CA13: variants seen among roughly 807,000 people sequenced by gnomAD.
The protein encoded by CA13 is carbonic anhydrase 13.
In CA13, 21 loss-of-function variants were observed where a neutral mutation model predicts 31.5. The observed-to-expected ratio is 0.67, with a 90% CI of 0.47 to 0.96. The LOEUF (loss-of-function observed/expected upper bound fraction) is 0.96. Among genes scored for constraint, CA13 ranks in the 40% least tolerant of loss-of-function variants. The pLI is 0.00. For synonymous variants in CA13, 117 were observed against 111.4 expected, an observed-to-expected ratio of 1.05 and a Z score of -0.32; for missense variants, 315 against 318.9, an observed-to-expected ratio of 0.99 and a Z score of 0.09.
chr8:85,245,944 C>CCA, intron 1 of CA13, 79 bp downstream of exon 1: 1 of 1,514,766 alleles, frequency 6.6e-7, no homozygotes, highest in Non-Finnish European at 9.2e-7. Context: ...CGCTCGCTGA[C>CCA]CACACACTGG....
chr8:85,258,587 TAGG>T (rs2129966411), intron 2 of CA13, among the ~76,000 whole-genome samples: 1 of 151,922 alleles, frequency 6.6e-6, no homozygotes, highest in African/African-American at 2.4e-5. Context: ...ATGACAGCAT[TAGG>T]AGGAGGTCCC....
intron 1 of CA13, among the ~76,000 whole-genome samples, chr8:85,248,287 G>A (rs534337243): frequency 6.6e-6 from 1 of 151,972 alleles, no homozygotes; most frequent in African/African-American, 2.4e-5. Flanking sequence ...GAGAAATCTC[G>A]TTTCTACTAA....
At chr8:85,249,553 A>G (rs917284422) in intron 1 of CA13, among the ~76,000 whole-genome samples, 1 of 151,876 alleles carries the variant, frequency 6.6e-6, no homozygotes, top group African/African-American at 2.4e-5. Flanking sequence ...TGATTGTGAT[A>G]TATTGCATTT....
chr8:85,270,834 A>G (rs1352365851), intron 6 of CA13, among the ~76,000 whole-genome samples: 1 of 152,208 alleles, frequency 6.6e-6, no homozygotes. Context: ...AAAAATATCT[A>G]CCTGCAAGTT....
intron 6 of CA13, 37 bp from the exon 7 acceptor site, chr8:85,281,192 AT>A (rs1258453766): frequency 6.3e-7 from 1 of 1,599,038 alleles, no homozygotes; most frequent in Admixed American, 1.7e-5. Context: ...ATTGGTGGGA[AT>A]TTCTATGCTG....
Position 85,250,800 on chromosome 8 carries a change from A to T in CA13, c.98A>T (p.Glu33Val). ...IADGDQQSPI[E>V]IKTKEVKYDS... ...GATGGTGATCAGCAATCTCCAATTG[A>T]GATTAAAACCAAAGAAGTGAAATAT... is the stretch of plus-strand genomic sequence containing the variant. The change falls in exon 2 of 7, where the codon GAG becomes GTG. Residue 33 changes from glutamate to valine, a missense_variant. Transcript: ENST00000321764. 6.2e-7 allele frequency: 1 copy of T among 1,613,980 alleles called. No homozygotes were observed. The highest frequency in any genetic ancestry group is 8.5e-7 in the Non-Finnish European group (1 of 1,179,926).
rs141384254 is a variant in CA13, at chr8:85,277,036, G to T, written c.670-4194G>T. ...AGGGATTGTAAACGCACCAATCAGC[G>T]CCCTGTCAAAATAGACCACTCGGCT... On this transcript the variant is annotated intron_variant, in intron 6 of 6. Coordinates refer to ENST00000321764, the MANE Select transcript of CA13 (RefSeq NM_198584.3). Among the ~76,000 whole-genome samples, 136 of 152,248 alleles carry T rather than the reference G, an allele frequency of 8.9e-4. 1 individual carries two copies. The highest frequency in any genetic ancestry group is 3.0e-3 in the African/African-American group (124 of 41,550).
At chr8:85,268,019 C>A in intron 5 of CA13, 55 bp downstream of exon 5, 2 of 1,125,050 alleles carry the variant, frequency 1.8e-6, no homozygotes, top group South Asian at 1.5e-5. Context: ...CCCACATTCT[C>A]TTATCTTCCT....
At chr8:85,254,682 T>G (rs1181065735) in intron 2 of CA13, among the ~76,000 whole-genome samples, 1 of 152,118 alleles carries the variant, frequency 6.6e-6, no homozygotes, top group Non-Finnish European at 1.5e-5. Flanking sequence ...TTCTTATTCT[T>G]TTTTTCTCAA....
intron 2 of CA13, among the ~76,000 whole-genome samples, chr8:85,254,945 C>G (rs1226170986): frequency 6.6e-6 from 1 of 152,010 alleles, no homozygotes; most frequent in African/African-American, 2.4e-5. Flanking sequence ...TGTCAATAAA[C>G]CACAGGCATG....
rs1807486084 is a variant in CA13 at position 85,268,545 on chromosome 8, C to T, written c.587C>T (p.Pro196Leu). 2.5e-6 allele frequency: 4 copies of T among 1,613,906 alleles called. No individual in the cohort carries two copies. The South Asian group carries it at 3.3e-5, about 13-fold the overall frequency. The change falls in exon 6 of 7, where the codon CCT becomes CTT. Residue 196 changes from proline to leucine, a missense_variant. Physicochemically the swap from Pro to Leu is moderately conservative, Grantham distance 98 (BLOSUM62 -3). Transcript: ENST00000321764. ...CCATCCTGGGACTACTGGACATATC[C>T]TGGTTCTCTTACAGTTCCACCTCTT... The part of the protein sequence containing the change: ...LPPSWDYWTY[P>L]GSLTVPPLLE...
At chr8:85,276,563 A>G (rs1807612975) in intron 6 of CA13, among the ~76,000 whole-genome samples, 1 of 152,244 alleles carries the variant, frequency 6.6e-6, no homozygotes. Flanking sequence ...GGCACTCTGT[A>G]TCTAGCTCAA....
At chr8:85,258,703 G>T (rs1055774942) in intron 2 of CA13, among the ~76,000 whole-genome samples, 1 of 129,170 alleles carries the variant, frequency 7.7e-6, no homozygotes, top group African/African-American at 2.9e-5. Flanking sequence ...TGGGAGGATC[G>T]CTTGAGGCCA....
intron 3 of CA13, among the ~76,000 whole-genome samples, chr8:85,264,109 T>C (rs1807423966): frequency 6.6e-6 from 1 of 152,214 alleles, no homozygotes; most frequent in Non-Finnish European, 1.5e-5. Context: ...TCCCAAAAGT[T>C]AGGCGTCTAC....
intron 1 of CA13, chr8:85,246,474 G>C (rs1162020332): frequency 2.2e-6 from 1 of 456,000 alleles, no homozygotes; most frequent in Admixed American, 2.3e-5. Context: ...TCAGGTTCTC[G>C]CTGGGAAATT....
intron 6 of CA13, among the ~76,000 whole-genome samples, chr8:85,274,534 C>G (rs577376475): frequency 9.2e-5 from 14 of 152,342 alleles, no homozygotes; most frequent in African/African-American, 2.6e-4. Flanking sequence ...TCTAGAACCG[C>G]TTTTCCGTTA....
At chr8:85,271,756 G>A (rs1186888917) in intron 6 of CA13, among the ~76,000 whole-genome samples, 1 of 152,132 alleles carries the variant, frequency 6.6e-6, no homozygotes, top group Non-Finnish European at 1.5e-5. Context: ...ATATAGACAT[G>A]CTACAACTAC....
intron 2 of CA13, among the ~76,000 whole-genome samples, chr8:85,251,206 G>A (rs1343083307): frequency 1.3e-5 from 2 of 152,060 alleles, no homozygotes; most frequent in African/African-American, 2.4e-5. Context: ...GTTTCACCAT[G>A]TTGGCCAGGA....
At position 85,281,457 on chromosome 8, in the gene CA13, G is replaced by A; in HGVS notation, c.*108G>A. 6.7e-7 allele frequency: 1 copy of A among 1,489,792 alleles called. No individual in the cohort carries two copies. Among genetic ancestry groups the A allele is most frequent in the East Asian group, 2.3e-5 (1 of 42,636 alleles). The allele number at this position is 1,489,792 out of a possible 1,614,324, so 92.3% of individuals were successfully genotyped here. A position where few individuals can be genotyped will look rare whatever the true frequency, so the allele number is the denominator to read the frequency against. Reference sequence around the variant, plus strand: ...CTCTTTTGTGGAATTCTAATTTATAGGAAACATTTTAGTATGAGCTTCAGT... The same window carrying A: ...CTCTTTTGTGGAATTCTAATTTATAAGAAACATTTTAGTATGAGCTTCAGT... On this transcript the variant is annotated 3_prime_UTR_variant, in exon 7 of 7. Coordinates refer to ENST00000321764, the MANE Select transcript of CA13 (RefSeq NM_198584.3).
Sources: gnomAD v4.1 joint callset for allele counts (sites outside exome capture counted in the v4.1 genomes callset) on GRCh38, gnomAD v4.1.1 for gene constraint, MANE v1.5 for transcripts, NCBI Gene and HGNC (gene_info 2026-07-23, HGNC 2026-07-21) for gene names.